Variants in FAR2 observed in about 807,000 individuals in gnomAD.
The protein encoded by FAR2 is epididymis secretory protein Li 81.
Under a neutral mutation model 56.0 loss-of-function variants are expected in FAR2, and 19 were observed. The ratio of observed to expected loss-of-function variants is 0.34; its 90% CI spans 0.24 to 0.50. The LOEUF is 0.50. Among genes scored for constraint, FAR2 ranks in the 20% least tolerant of loss-of-function variants. FAR2 has a pLI of 0.98. For missense variants in FAR2, 508 were observed against 642.2 expected (o/e 0.79, Z 2.26); for synonymous variants, 219 against 218.8 (o/e 1.00, Z -0.01).
At chr12:29,269,758 G>A (rs555053039) in intron 1 of FAR2, among the ~76,000 whole-genome samples, 27 of 152,254 alleles carry the variant, frequency 1.8e-4, no homozygotes, top group South Asian at 4.1e-4. Context: ...TTGACTTCCC[G>A]CAACAATTAT....
At position 29,257,796 on chromosome 12, in the gene FAR2, A is replaced by G. The variant is rs548071600; in HGVS notation, c.-38-12616A>G. Among the ~76,000 whole-genome samples, 439 of 152,246 alleles carry G rather than the reference A, an allele frequency of 2.9e-3. 2 individuals carry two copies. Among genetic ancestry groups the G allele is most frequent in the Non-Finnish European group, 5.4e-3 (364 of 68,026 alleles). ...GAACATCAGAAGGAACAAACTCCGG[A>G]CACGCCACCTTTAAGAACTGTAACA... On this transcript the variant is annotated intron_variant, in intron 1 of 11. Coordinates refer to ENST00000536681, the MANE Select transcript of FAR2 (RefSeq NM_001271783.2).
chr12:29,168,203 T>C (rs1949849270), intron 1 of FAR2, among the ~76,000 whole-genome samples: 1 of 152,194 alleles, frequency 6.6e-6, no homozygotes, highest in Non-Finnish European at 1.5e-5. Flanking sequence ...GAACTTTGGT[T>C]CTCGCTCCAT....
rs1478233063 is a variant in FAR2, at chr12:29,305,901, G to A, written c.546-1757G>A. On this transcript the variant is annotated intron_variant, in intron 4 of 11. Transcript: ENST00000536681. ...TCCCCCCAAATATTATCCTTTCCAT[G>A]TACCCCAACATTAATGACAGCAACT... Among the ~76,000 whole-genome samples the A allele has an allele frequency of 2.0e-5, 3 of 151,494 alleles. No homozygotes were observed. In the East Asian group the frequency reaches 5.8e-4, roughly 29 times the overall value.
chr12:29,253,555 G>T (rs7131987), intron 1 of FAR2, among the ~76,000 whole-genome samples: 65,797 of 151,618 alleles, frequency 0.43, 15,224 homozygotes, highest in African/African-American at 0.61. Flanking sequence ...TTAATTCTAA[G>T]CAAAGCATAA....
intron 1 of FAR2, among the ~76,000 whole-genome samples, chr12:29,232,502 T>C (rs540044095): frequency 1.3e-4 from 20 of 152,126 alleles, no homozygotes; most frequent in Admixed American, 3.9e-4. Context: ...TTACCTTAAC[T>C]GAAAATTGAC....
intron 1 of FAR2, among the ~76,000 whole-genome samples, chr12:29,268,130 AC>A (rs1308777099): frequency 1.3e-5 from 2 of 152,212 alleles, no homozygotes; most frequent in Non-Finnish European, 2.9e-5. Flanking sequence ...TTAAGGAGTT[AC>A]TAGCAGAGCA....
chr12:29,274,014 C>A (rs149497334), intron 2 of FAR2, among the ~76,000 whole-genome samples: 105 of 152,124 alleles, frequency 6.9e-4, no homozygotes, highest in Admixed American at 1.9e-3. Context: ...CTGTTGCTGG[C>A]GAAGGATTCA....
intron 3 of FAR2, among the ~76,000 whole-genome samples, chr12:29,295,264 G>C (rs1949041603): frequency 6.6e-6 from 1 of 152,040 alleles, no homozygotes; most frequent in Non-Finnish European, 1.5e-5. Context: ...GGTAGAGACG[G>C]GGTTTCACAA....
chr12:29,176,563 A>C lies in FAR2; in HGVS notation c.-39+27156A>C, dbSNP rs139377192. Among the ~76,000 whole-genome samples, 59 of 152,372 alleles carry C rather than the reference A, an allele frequency of 3.9e-4. 1 individual carries two copies. In the East Asian group the frequency reaches 0.011, roughly 29 times the overall value. Reference sequence around the variant, plus strand: ...ACTAGTTGAAAGATGATCTAGAAAAAAGGAAATAAGAATGATAGCTAAAAC... The same window carrying C: ...ACTAGTTGAAAGATGATCTAGAAAACAGGAAATAAGAATGATAGCTAAAAC... On this transcript the variant is annotated intron_variant, in intron 1 of 11. Transcript: ENST00000536681.
At chr12:29,306,617 T>C (rs1347701905) in intron 4 of FAR2, among the ~76,000 whole-genome samples, 1 of 152,352 alleles carries the variant, frequency 6.6e-6, no homozygotes, top group South Asian at 2.1e-4. Flanking sequence ...GTTATATCAA[T>C]GATTTAACCA....
intron 1 of FAR2, chr12:29,223,700 A>C (rs1947725115): frequency 6.6e-6 from 1 of 152,184 alleles, no homozygotes; most frequent in South Asian, 2.1e-4. Flanking sequence ...GGTGAGCTGC[A>C]CTTCAGGCAT....
chr12:29,260,449 C>T (rs1444050880), intron 1 of FAR2, among the ~76,000 whole-genome samples: 3 of 152,134 alleles, frequency 2.0e-5, no homozygotes, highest in South Asian at 2.1e-4. Context: ...GTTTTGTTTT[C>T]CTGTCAAAGC....
chr12:29,219,145 T>C (rs923699635), intron 1 of FAR2, among the ~76,000 whole-genome samples: 15 of 152,054 alleles, frequency 9.9e-5, no homozygotes, highest in African/African-American at 3.6e-4. Flanking sequence ...CACCTTTGCC[T>C]CCCAAAGTGC....
chr12:29,240,611 G>A (rs1393238103), intron 1 of FAR2, among the ~76,000 whole-genome samples: 2 of 151,912 alleles, frequency 1.3e-5, no homozygotes, highest in Non-Finnish European at 1.5e-5. Context: ...CTCCCACCAG[G>A]CACTCAAGCT....
chr12:29,217,984 A>AGAG (rs143213052), intron 1 of FAR2, among the ~76,000 whole-genome samples: 10,727 of 151,378 alleles, frequency 0.071, 515 homozygotes, highest in South Asian at 0.17. Flanking sequence ...AAGAAGACAA[A>AGAG]GAGGAGGAGG....
intron 1 of FAR2, among the ~76,000 whole-genome samples, chr12:29,268,107 G>A (rs970441043): frequency 5.9e-5 from 9 of 152,188 alleles, no homozygotes; most frequent in African/African-American, 1.9e-4. Context: ...TGACTACGAA[G>A]AGTCATTGTT....
chr12:29,272,161 A>T (rs1215709422), intron 2 of FAR2, among the ~76,000 whole-genome samples: 1 of 152,038 alleles, frequency 6.6e-6, no homozygotes, highest in Non-Finnish European at 1.5e-5. Context: ...GTTTTTCCTG[A>T]ATTTGCGTGT....
chr12:29,311,229 T>G (rs546315135), intron 7 of FAR2, 83 bp downstream of exon 7: 5 of 933,950 alleles, frequency 5.4e-6, no homozygotes, highest in Non-Finnish European at 8.7e-6. Flanking sequence ...TATAGGCATT[T>G]CATTGTACAA....
chr12:29,265,342 G>A (rs75994859), intron 1 of FAR2, among the ~76,000 whole-genome samples: 4,086 of 152,230 alleles, frequency 0.027, 77 homozygotes, highest in Non-Finnish European at 0.041. Flanking sequence ...TAGACCAGTA[G>A]AACAGAGCAG....
Sources: gnomAD v4.1 joint callset for allele counts (sites outside exome capture counted in the v4.1 genomes callset) on GRCh38, gnomAD v4.1.1 for gene constraint, MANE v1.5 for transcripts, NCBI Gene and HGNC (gene_info 2026-07-23, HGNC 2026-07-21) for gene names.